EPS8L1: variants seen among roughly 807,000 people sequenced by gnomAD.
EPS8L1 encodes epidermal growth factor receptor kinase substrate 8-like protein 1.
A neutral mutation model predicts 91.7 loss-of-function variants in EPS8L1; 101 were observed. The ratio of observed to expected loss-of-function variants is 1.10; its 90% CI spans 0.94 to 1.30. EPS8L1 has a LOEUF of 1.30. Ranked by LOEUF, EPS8L1 falls within the 50% of genes most tolerant of loss-of-function variation. The pLI is 0.00. For synonymous variants in EPS8L1, 506 were observed against 445.3 expected, an observed-to-expected ratio of 1.14 and a Z score of -1.72; for missense variants, 1,114 against 1,017.0, an observed-to-expected ratio of 1.10 and a Z score of -1.30.
chr19:55,077,876 C>T (rs1418462316), intron 2 of EPS8L1, among the ~76,000 whole-genome samples: 1 of 150,296 alleles, frequency 6.7e-6, no homozygotes, highest in Non-Finnish European at 1.5e-5. Flanking sequence ...CGTGAGCCAC[C>T]GCGCCCAGCC....
At chr19:55,087,250 G>T in intron 18 of EPS8L1, 53 bp from the exon 19 acceptor site, 2 of 1,544,966 alleles carry the variant, frequency 1.3e-6, no homozygotes, top group Admixed American at 2.0e-5. Context: ...ATGATTGTCC[G>T]GGCTGGGGCA....
chr19:55,087,184 G>A, intron 18 of EPS8L1, 119 bp from the exon 19 acceptor site: 3 of 1,422,542 alleles, frequency 2.1e-6, no homozygotes, highest in South Asian at 1.4e-5. Context: ...TGTCGGGCCT[G>A]CCCCCGCTAG....
intron 12 of EPS8L1, among the ~76,000 whole-genome samples, chr19:55,082,812 C>A (rs117642267): frequency 2.0e-3 from 296 of 150,898 alleles, no homozygotes; most frequent in Admixed American, 3.6e-3. Flanking sequence ...AGATTTAAGA[C>A]CACCAGACCA....
In EPS8L1 at chr19:55,081,307, C is replaced by T. The variant is rs1407607560; in HGVS notation, c.589C>T (p.Arg197Cys). 2 of 1,552,734 alleles carry T rather than the reference C, an allele frequency of 1.3e-6. No individual in the cohort carries two copies. Among genetic ancestry groups the T allele is most frequent in the African/African-American group, 1.4e-5 (1 of 73,938 alleles). ...GCCCCTGCAGCGCCGCCCGTCAGTC[C>T]GCGCAGTGATCAGCACCGTAGAGCG... ...TPPLQRRPSV[R>C]AVISTVERGA... Residue 197 changes from arginine (R) to cysteine (C), a missense_variant, in exon 8 of 20, where the codon CGC (arginine) becomes TGC (cysteine). Transcript: ENST00000201647. The surrounding 1 kb of genome is among the most constrained non-coding windows in gnomAD (Gnocchi z 4.9).
In EPS8L1 at chr19:55,087,815, G is replaced by A. The variant is rs1227696701; in HGVS notation, c.*201G>A. 1.6e-6 allele frequency: 1 copy of A among 618,692 alleles called. No homozygotes were observed. The highest frequency in any genetic ancestry group is 2.9e-6 in the Non-Finnish European group (1 of 349,680). 38.3% of individuals were successfully genotyped at this position (618,692 alleles called of 1,614,324 possible). A position where few individuals can be genotyped will look rare whatever the true frequency, so the allele number is the denominator to read the frequency against. ...ATCTGGACTGGCTGGGAGTGGGGAG[G>A]GCGTGGAGACAGTCTACGGAAAGCG... On this transcript the variant is annotated 3_prime_UTR_variant, in exon 20 of 20. Transcript: ENST00000201647.
At position 55,086,497 on chromosome 19, in the gene EPS8L1, G is replaced by A; in HGVS notation, c.1756G>A (p.Gly586Ser). 3 of 1,551,410 alleles carry A rather than the reference G, an allele frequency of 1.9e-6. No homozygotes were observed. The highest frequency in any genetic ancestry group is 2.6e-6 in the Non-Finnish European group (3 of 1,146,944). ...PRWDSCDSLN[G>S]LDPSEKEKFS... ...CTGGGACAGCTGCGATAGCCTCAAC[G>A]GCTTGGACCCCAGCGAGAAGGGTGA... Residue 586 changes from glycine (G) to serine (S), a missense_variant, in exon 17 of 20, where the codon GGC becomes AGC. Physicochemically the swap from Gly to Ser is moderately conservative, Grantham distance 56. Coordinates refer to ENST00000201647, the MANE Select transcript of EPS8L1 (RefSeq NM_133180.3).
At position 55,076,402 on chromosome 19, in the gene EPS8L1, T is replaced by C. The variant is rs952476119; in HGVS notation, c.-37-6T>C. ...GCCAGGCCTTCACATGTTTGCTGGC[T>C]CCCAGGGCACCTCCAGGTGGGCAGG... On this transcript the variant is annotated splice_region_variant and splice_polypyrimidine_tract_variant and intron_variant, in intron 1 of 19. Transcript: ENST00000201647. 42 of 1,609,382 alleles carry C rather than the reference T, an allele frequency of 2.6e-5. No individual in the cohort carries two copies. The highest frequency in any genetic ancestry group is 3.4e-5 in the Non-Finnish European group (40 of 1,177,824).
At chr19:55,077,181 G>A (rs939928657) in intron 2 of EPS8L1, among the ~76,000 whole-genome samples, 1 of 152,194 alleles carries the variant, frequency 6.6e-6, no homozygotes, top group Admixed American at 6.5e-5. Context: ...AATTGAGGAC[G>A]GGAGGAGACA....
In EPS8L1 at chr19:55,083,400, G is replaced by A; in HGVS notation, c.1237G>A (p.Gly413Arg). ...RPGLELSPEE[G>R]PPYRPEFFSG... ...CAGGCTGGAGCTGTCCCCGGAGGAG[G>A]GACCCCCATACAGACCCGAGTTCTT... Residue 413 changes from glycine (G) to arginine (R), a missense_variant, in exon 13 of 20, where the codon GGA becomes AGA. Gly to Arg is a moderately radical substitution (Grantham distance 125, BLOSUM62 -2). Transcript: ENST00000201647. This position sits in a 1 kb window ranked among gnomAD's most constrained non-coding sequence, Gnocchi z 4.7. The A allele has an allele frequency of 6.2e-7, 1 of 1,613,114 alleles. No homozygotes were observed. Among genetic ancestry groups the A allele is most frequent in the Non-Finnish European group, 8.5e-7 (1 of 1,179,950 alleles).
At position 55,078,119 on chromosome 19, in the gene EPS8L1, T is replaced by G. The variant is rs764981549; in HGVS notation, c.49T>G (p.Ser17Ala). 91 of 1,613,452 alleles carry G rather than the reference T, an allele frequency of 5.6e-5. No individual in the cohort carries two copies. Among genetic ancestry groups the G allele is most frequent in the Non-Finnish European group, 7.1e-5 (84 of 1,179,830 alleles). Residue 17 changes from serine to alanine, a missense_variant, in exon 3 of 20, where the codon TCT (serine) becomes GCT (alanine). Coordinates refer to ENST00000201647, the MANE Select transcript of EPS8L1 (RefSeq NM_133180.3). Reference protein sequence around the residue: ...PEAAPKPSAKSIYEQRKRYST... With the variant: ...PEAAPKPSAKAIYEQRKRYST... ...AGCTGCCCCAAAGCCAAGCGCCAAG[T>G]CTATCTATGGTGAGCGGGGGGCAAG... is the stretch of plus-strand genomic sequence containing the variant.
Position 55,083,993 on chromosome 19 carries a change from A to C in EPS8L1, c.1385+349A>C, listed in dbSNP as rs2076329153. 2 of 547,786 alleles carry C rather than the reference A, an allele frequency of 3.7e-6. No individual in the cohort carries two copies. Among genetic ancestry groups the C allele is most frequent in the African/African-American group, 3.8e-5 (2 of 52,760 alleles). The allele number at this position is 547,786 out of a possible 1,614,324, so 33.9% of individuals were successfully genotyped here. A position where few individuals can be genotyped will look rare whatever the true frequency, so the allele number is the denominator to read the frequency against. ...TTTGTTTTCCCAGGGCCTGGGAAGC[A>C]CCATGCCTGGGCTCCCTAGGAGGAC... On this transcript the variant is annotated intron_variant, in intron 14 of 19. Coordinates refer to ENST00000201647, the MANE Select transcript of EPS8L1 (RefSeq NM_133180.3). This position sits in a 1 kb window ranked among gnomAD's most constrained non-coding sequence, Gnocchi z 4.7.
chr19:55,083,675 G>C lies in EPS8L1; in HGVS notation c.1385+31G>C. 5.1e-6 allele frequency: 8 copies of C among 1,582,938 alleles called. No individual in the cohort carries two copies. Among genetic ancestry groups the C allele is most frequent in the Non-Finnish European group, 6.0e-6 (7 of 1,164,820 alleles). On this transcript the variant is annotated intron_variant, in intron 14 of 19. Transcript: ENST00000201647. This position sits in a 1 kb window ranked among gnomAD's most constrained non-coding sequence, Gnocchi z 4.7. ...TGTCCGCCCCAGGGCAGGGCAAGGG[G>C]GTCAAGGAGGGGTGCGTCCCGGGGG...
In EPS8L1 at chr19:55,081,670, G is replaced by C; in HGVS notation, c.775-103G>C. 1 of 1,497,230 alleles carries C rather than the reference G, an allele frequency of 6.7e-7. No homozygotes were observed. The highest frequency in any genetic ancestry group is 8.9e-7 in the Non-Finnish European group (1 of 1,119,852). 92.7% of individuals were successfully genotyped at this position (1,497,230 alleles called of 1,614,324 possible). ...TGGGGCGTGGCCAGGTGTTTGGGGC[G>C]TGGCCTGATCTGGGGAAGTGTATAG... On this transcript the variant is annotated intron_variant, in intron 8 of 19. Coordinates refer to ENST00000201647, the MANE Select transcript of EPS8L1 (RefSeq NM_133180.3). The surrounding 1 kb of genome is among the most constrained non-coding windows in gnomAD (Gnocchi z 4.9).
At chr19:55,078,011 C>G (rs1204202431) in intron 2 of EPS8L1, 77 bp from the exon 3 acceptor site, 3 of 1,334,832 alleles carry the variant, frequency 2.2e-6, no homozygotes, top group Non-Finnish European at 3.2e-6. Flanking sequence ...TCATGAAGCC[C>G]TTGCTGCCCT....
chr19:55,083,474 G>A lies in EPS8L1; in HGVS notation c.1311G>A (p.Glu437=), dbSNP rs1294291197. The A allele has an allele frequency of 9.9e-6, 16 of 1,612,364 alleles. No individual in the cohort carries two copies. Among genetic ancestry groups the A allele is most frequent in the Non-Finnish European group, 1.4e-5 (16 of 1,179,744 alleles). Residue 437 remains glutamate, a synonymous_variant, in exon 13 of 20, where the codon GAG becomes GAA. Coordinates refer to ENST00000201647, the MANE Select transcript of EPS8L1 (RefSeq NM_133180.3). The surrounding 1 kb of genome is among the most constrained non-coding windows in gnomAD (Gnocchi z 4.7). ...CTGACCCGCAGAGCCGCGCCTGGGA[G>A]GACCCAGTTGAGAAACAGCTACAGC... ...PVTDPQSRAW[E]DPVEKQLQHE... is the part of the protein sequence containing the mutation.
In EPS8L1 at chr19:55,079,058, G is replaced by T. The variant is rs2076197731; in HGVS notation, c.117+1G>T. ...TGATGTATCCCAGTACCCAGTCAAT[G>T]TGAGTCTGGGGTCTGTGTTCCCCCA... On this transcript the variant is annotated splice_donor_variant, in intron 4 of 19. Coordinates refer to ENST00000201647, the MANE Select transcript of EPS8L1 (RefSeq NM_133180.3). LOFTEE classifies it high-confidence loss of function. 1.9e-6 allele frequency: 3 copies of T among 1,614,012 alleles called. No homozygotes were observed. Among genetic ancestry groups the T allele is most frequent in the Non-Finnish European group, 2.5e-6 (3 of 1,179,914 alleles).
At position 55,086,471 on chromosome 19, in the gene EPS8L1, G is replaced by C. The variant is rs1196200529; in HGVS notation, c.1730G>C (p.Arg577Pro). ...ALARPRWDRP[R>P]WDSCDSLNGL... ...GCTCGGCCCCGCTGGGACAGGCCCC[G>C]CTGGGACAGCTGCGATAGCCTCAAC... The change falls in exon 17 of 20, where the codon CGC becomes CCC. Residue 577 changes from arginine (R) to proline (P), a missense_variant. By Grantham distance (103) the Arg-to-Pro change is moderately radical. Coordinates refer to ENST00000201647, the MANE Select transcript of EPS8L1 (RefSeq NM_133180.3). The C allele has an allele frequency of 2.6e-6, 4 of 1,551,888 alleles. No individual in the cohort carries two copies. The highest frequency in any genetic ancestry group is 3.5e-6 in the Non-Finnish European group (4 of 1,147,124).
rs1368445303 is a variant in EPS8L1, at chr19:55,081,342, C to A, written c.624C>A (p.Gly208=). The part of the protein sequence containing the change: ...AVISTVERGA[G]RGRPQAKPIP... ...TCAGCACCGTAGAGCGGGGCGCGGGCCGCGGACGACCCCAGGCGAAGCCCA... is the reference window on the plus strand; with the variant it reads ...TCAGCACCGTAGAGCGGGGCGCGGGACGCGGACGACCCCAGGCGAAGCCCA... Residue 208 remains glycine (G), a synonymous_variant, in exon 8 of 20, where the codon GGC becomes GGA. Transcript: ENST00000201647. The surrounding 1 kb of genome is among the most constrained non-coding windows in gnomAD (Gnocchi z 4.9). 6.4e-7 allele frequency: 1 copy of A among 1,558,758 alleles called. No homozygotes were observed. The highest frequency in any genetic ancestry group is 1.2e-5 in the South Asian group (1 of 85,786).
In EPS8L1 at chr19:55,082,345, A is replaced by T; in HGVS notation, c.1061A>T (p.Gln354Leu). 1 of 1,612,790 alleles carries T rather than the reference A, an allele frequency of 6.2e-7. No homozygotes were observed. The highest frequency in any genetic ancestry group is 1.1e-5 in the South Asian group (1 of 91,068). ...TTGCACTTCCTTTTCGGGCCTCTGC[A>T]GATGGTGAGACCCGCCCCAGGCCCT... ...ELLHFLFGPL[Q>L]MIVNTSGGPE... Residue 354 changes from glutamine to leucine, a missense_variant, in exon 11 of 20, where the codon CAG (glutamine) becomes CTG (leucine). Coordinates refer to ENST00000201647, the MANE Select transcript of EPS8L1 (RefSeq NM_133180.3).
Sources: allele counts gnomAD v4.1 joint callset (sites outside exome capture counted in the v4.1 genomes callset), GRCh38; gene constraint gnomAD v4.1.1; non-coding constraint Gnocchi (gnomAD v3.1); transcripts MANE v1.5; gene names NCBI Gene and HGNC (gene_info 2026-07-23, HGNC 2026-07-21).